Variants in CD44 observed in about 807,000 individuals in gnomAD.
CD44 encodes the protein CD44 molecule (IN blood group), also known as CD44 antigen.
Under a neutral mutation model 88.8 loss-of-function variants are expected in CD44, and 49 were observed. The ratio of observed to expected loss-of-function variants is 0.55; its 90% confidence interval spans 0.44 to 0.70. CD44 has a LOEUF of 0.70. CD44 is among the 30% of genes least tolerant of loss of function. The pLI is 0.00. For synonymous variants in CD44, 325 were observed against 312.3 expected (o/e 1.04, Z -0.43); for missense variants, 883 against 913.8 (o/e 0.97, Z 0.43).
chr11:35,199,939 T>G (rs886901953), intron 7 of CD44, among the ~76,000 whole-genome samples: 2 of 43,230 alleles, frequency 4.6e-5, no homozygotes, highest in South Asian at 4.9e-3. Flanking sequence ...GTGTTGTTTT[T>G]TTTTTTTTTT....
Position 35,214,844 on chromosome 11 carries a change from C to A in CD44, c.1811-8C>A, listed in dbSNP as rs143667494. 5.4e-5 allele frequency: 82 copies of A among 1,521,834 alleles called. No individual in the cohort carries two copies. In the African/African-American group the frequency reaches 1.1e-3, roughly 21 times the overall value. The allele number at this position is 1,521,834 out of a possible 1,614,324, so 94.3% of individuals were successfully genotyped here. On this transcript the variant is annotated splice_polypyrimidine_tract_variant and splice_region_variant and intron_variant, in intron 14 of 17. Transcript: ENST00000428726. ...TGCAGTACTGACCTTCCTGATTGCT[C>A]ATTACAGGAGACCAAGACACATTCC...
chr11:35,195,781 A>T (rs915500247), intron 5 of CD44, among the ~76,000 whole-genome samples: 1 of 152,212 alleles, frequency 6.6e-6, no homozygotes, highest in Admixed American at 6.5e-5. Flanking sequence ...CATTGGGGTC[A>T]CTTCATCTCT....
chr11:35,188,549 T>C (rs1476565196), intron 4 of CD44, among the ~76,000 whole-genome samples: 2 of 152,142 alleles, frequency 1.3e-5, no homozygotes, highest in East Asian at 3.9e-4. Context: ...CATGTAAGAG[T>C]GTGGTCAACA....
rs369473842 is a variant in CD44, at chr11:35,176,644, G to A, written c.137G>A (p.Arg46Gln). The A allele has an allele frequency of 1.2e-6, 2 of 1,614,170 alleles. No homozygotes were observed. The highest frequency in any genetic ancestry group is 2.2e-5 in the East Asian group (1 of 44,884). Residue 46 changes from arginine to glutamine, a missense_variant, in exon 2 of 18, where the codon CGG (arginine) becomes CAG (glutamine). By Grantham distance (43) the Arg-to-Gln change is conservative. Coordinates refer to ENST00000428726, the MANE Select transcript of CD44 (RefSeq NM_000610.4). ...AAAAATGGTCGCTACAGCATCTCTCGGACGGAGGCCGCTGACCTCTGCAAG... is the reference window on the plus strand; with the variant it reads ...AAAAATGGTCGCTACAGCATCTCTCAGACGGAGGCCGCTGACCTCTGCAAG... ...VEKNGRYSIS[R>Q]TEAADLCKAF... is the part of the protein sequence containing the mutation.
chr11:35,225,958 G>A (rs1949668442), intron 17 of CD44, among the ~76,000 whole-genome samples: 1 of 152,204 alleles, frequency 6.6e-6, no homozygotes, highest in Non-Finnish European at 1.5e-5. Flanking sequence ...TAATGAAGAA[G>A]CTGGGCTAGA....
intron 4 of CD44, among the ~76,000 whole-genome samples, chr11:35,188,442 G>T (rs1945913186): frequency 6.6e-6 from 1 of 152,164 alleles, no homozygotes. Context: ...CAGGAAATTT[G>T]TAAAAGACAC....
chr11:35,199,030 G>A (rs890480531), intron 7 of CD44, among the ~76,000 whole-genome samples: 1 of 151,846 alleles, frequency 6.6e-6, no homozygotes, highest in African/African-American at 2.4e-5. Flanking sequence ...TTAAATGATG[G>A]GAGCTAGAAC....
intron 1 of CD44, among the ~76,000 whole-genome samples, chr11:35,153,613 A>G (rs1375042704): frequency 6.6e-6 from 1 of 152,226 alleles, no homozygotes; most frequent in Non-Finnish European, 1.5e-5. Flanking sequence ...CACTGTAGAC[A>G]AGAGAGGCAT....
chr11:35,170,390 C>A (rs1468265556), intron 1 of CD44, among the ~76,000 whole-genome samples: 3 of 152,174 alleles, frequency 2.0e-5, no homozygotes, highest in African/African-American at 7.2e-5. Context: ...CAGACCTCTT[C>A]CCATGTGGGT....
intron 1 of CD44, among the ~76,000 whole-genome samples, chr11:35,154,949 A>G (rs192868846): frequency 6.6e-6 from 1 of 152,284 alleles, no homozygotes; most frequent in African/African-American, 2.4e-5. Context: ...TGCCACTCCC[A>G]GTGTCTTCCT....
intron 5 of CD44, among the ~76,000 whole-genome samples, chr11:35,191,089 C>T (rs781581414): frequency 6.6e-6 from 1 of 152,146 alleles, no homozygotes; most frequent in East Asian, 1.9e-4. Flanking sequence ...AGCGGTTTTC[C>T]TAGTATGGTG....
chr11:35,224,128 C>A (rs977086998), intron 17 of CD44, among the ~76,000 whole-genome samples: 1 of 152,122 alleles, frequency 6.6e-6, no homozygotes, highest in Non-Finnish European at 1.5e-5. Flanking sequence ...GGTTAAAAGA[C>A]AAAAGTGGAA....
chr11:35,224,239 T>C (rs1949532525), intron 17 of CD44, among the ~76,000 whole-genome samples: 1 of 152,174 alleles, frequency 6.6e-6, no homozygotes. Flanking sequence ...GGTTGGGGGT[T>C]CTATTACTTC....
intron 17 of CD44, among the ~76,000 whole-genome samples, chr11:35,227,277 C>T (rs961975880): frequency 6.6e-6 from 1 of 152,160 alleles, no homozygotes; most frequent in Non-Finnish European, 1.5e-5. Flanking sequence ...CCTCGACTTC[C>T]TGGGCTCAAG....
intron 8 of CD44, 59 bp from the exon 9 acceptor site, chr11:35,201,612 A>G: frequency 6.3e-7 from 1 of 1,596,770 alleles, no homozygotes; most frequent in Non-Finnish European, 8.6e-7. Context: ...ATGGAAGAAT[A>G]GAATCATTAA....
At chr11:35,228,627 C>T (rs140957143) in intron 17 of CD44, among the ~76,000 whole-genome samples, 1 of 152,324 alleles carries the variant, frequency 6.6e-6, no homozygotes, top group African/African-American at 2.4e-5. Context: ...CTCTTTCTTA[C>T]TTGCTGAGTT....
chr11:35,148,205 A>C (rs186741723), intron 1 of CD44, among the ~76,000 whole-genome samples: 1 of 152,294 alleles, frequency 6.6e-6, no homozygotes, highest in East Asian at 1.9e-4. Flanking sequence ...TAGTCTTTGC[A>C]CACTTTAAAT....
At chr11:35,205,279 T>C (rs1947719263) in intron 10 of CD44, among the ~76,000 whole-genome samples, 1 of 152,252 alleles carries the variant, frequency 6.6e-6, no homozygotes, top group Non-Finnish European at 1.5e-5. Context: ...TTCTTTTGTC[T>C]GTGTGACATA....
intron 15 of CD44, among the ~76,000 whole-genome samples, chr11:35,215,654 C>A (rs1948772128): frequency 6.6e-6 from 1 of 152,040 alleles, no homozygotes; most frequent in Non-Finnish European, 1.5e-5. Context: ...GAGGCCGAGG[C>A]AGGTGGATCA....
Sources: gnomAD v4.1 joint callset for allele counts (sites outside exome capture counted in the v4.1 genomes callset) on GRCh38, gnomAD v4.1.1 for gene constraint, MANE v1.5 for transcripts, NCBI Gene and HGNC (gene_info 2026-07-23, HGNC 2026-07-21) for gene names.